Variants in ETV6 observed in about 807,000 individuals in gnomAD.
ETV6 encodes ETS variant transcription factor 6.
Under a neutral mutation model 51.1 loss-of-function variants are expected in ETV6, and 16 were observed. That is an observed-to-expected ratio of 0.31 (90% CI 0.21 to 0.48). The LOEUF (loss-of-function observed/expected upper bound fraction) is 0.48, where lower values mean the gene tolerates loss of function less well. Among genes scored for constraint, ETV6 ranks in the 20% least tolerant of loss-of-function variants. The pLI is 0.99. For synonymous variants in ETV6, 240 were observed against 224.1 expected, an observed-to-expected ratio of 1.07 and a Z score of -0.64; for missense variants, 458 against 594.8, an observed-to-expected ratio of 0.77 and a Z score of 2.39.
chr12:11,681,995 G>A (rs1392324551), intron 1 of ETV6, among the ~76,000 whole-genome samples: 2 of 152,172 alleles, frequency 1.3e-5, no homozygotes, highest in African/African-American at 4.8e-5. Context: ...TTGGTTCCAA[G>A]TCTTTGCTAT....
intron 1 of ETV6, among the ~76,000 whole-genome samples, chr12:11,675,091 A>G (rs1381219229): frequency 1.3e-5 from 2 of 152,220 alleles, no homozygotes; most frequent in African/African-American, 4.8e-5. Context: ...AGCTGTAGCC[A>G]TGGGGGTAAG....
intron 2 of ETV6, among the ~76,000 whole-genome samples, chr12:11,820,114 A>G (rs1197380242): frequency 1.3e-5 from 2 of 152,218 alleles, no homozygotes; most frequent in Non-Finnish European, 2.9e-5. Flanking sequence ...TCCTGTTACT[A>G]TCCGAGTTTT....
At chr12:11,709,900 C>A (rs1026236363) in intron 1 of ETV6, among the ~76,000 whole-genome samples, 1 of 152,132 alleles carries the variant, frequency 6.6e-6, no homozygotes, top group Admixed American at 6.5e-5. Flanking sequence ...TAAGCCAGTT[C>A]CTTAAAATAA....
At chr12:11,672,494 A>G (rs1408969026) in intron 1 of ETV6, among the ~76,000 whole-genome samples, 2 of 152,200 alleles carry the variant, frequency 1.3e-5, no homozygotes, top group Admixed American at 6.5e-5. Flanking sequence ...CTTCGTTAAC[A>G]CAACGACGTA....
chr12:11,783,605 G>C (rs1945441111), intron 2 of ETV6, among the ~76,000 whole-genome samples: 1 of 152,162 alleles, frequency 6.6e-6, no homozygotes, highest in Admixed American at 6.5e-5. Context: ...GAATCAGAGA[G>C]TTGAAAATAA....
chr12:11,849,633 A>G (rs1439614419), intron 3 of ETV6, among the ~76,000 whole-genome samples: 2 of 152,200 alleles, frequency 1.3e-5, no homozygotes, highest in South Asian at 2.1e-4. Flanking sequence ...CAGGGATTGC[A>G]GGGGAAGCCA....
chr12:11,710,032 A>G (rs1353186174), intron 1 of ETV6, among the ~76,000 whole-genome samples: 8 of 152,260 alleles, frequency 5.3e-5, no homozygotes, highest in African/African-American at 1.4e-4. Context: ...GTAGCACTGC[A>G]GAATTAATTT....
intron 2 of ETV6, among the ~76,000 whole-genome samples, chr12:11,760,013 G>C (rs2136335975): frequency 6.6e-6 from 1 of 152,290 alleles, no homozygotes; most frequent in South Asian, 2.1e-4. Context: ...AGATGTTGCT[G>C]CTTTTGCTGT....
At chr12:11,740,978 A>G (rs1256180077) in intron 1 of ETV6, among the ~76,000 whole-genome samples, 3 of 152,186 alleles carry the variant, frequency 2.0e-5, no homozygotes, top group African/African-American at 4.8e-5. Context: ...TTCTAGTGAC[A>G]TGACTCGTGG....
chr12:11,869,660 C>G lies in ETV6; in HGVS notation c.700C>G (p.Pro234Ala). Residue 234 changes from proline (P) to alanine (A), a missense_variant, in exon 5 of 8, where the codon CCT (proline) becomes GCT (alanine). Physicochemically the swap from Pro to Ala is conservative, Grantham distance 27 (BLOSUM62 -1). Transcript: ENST00000396373. The surrounding 1 kb of genome is among the most constrained non-coding windows in gnomAD (Gnocchi z 5.0). ...HQENNHQESY[P>A]LSVSPMENNH... ...GGAGAACAACCACCAGGAGTCCTAC[C>G]CTCTGTCAGTGTCTCCCATGGAGAA... 6.2e-7 allele frequency: 1 copy of G among 1,614,188 alleles called. No homozygotes were observed. The highest frequency in any genetic ancestry group is 8.5e-7 in the Non-Finnish European group (1 of 1,180,042).
chr12:11,767,464 G>A (rs60587284), intron 2 of ETV6, among the ~76,000 whole-genome samples: 17,493 of 151,990 alleles, frequency 0.12, 1,516 homozygotes, highest in East Asian at 0.36. Flanking sequence ...AGCATGGCTC[G>A]ACTCTGTGGG....
chr12:11,670,547 A>G (rs1407942326), intron 1 of ETV6, among the ~76,000 whole-genome samples: 1 of 152,222 alleles, frequency 6.6e-6, no homozygotes, highest in African/African-American at 2.4e-5. Flanking sequence ...CCTGTTTGTA[A>G]CACACCCTGT....
intron 5 of ETV6, among the ~76,000 whole-genome samples, chr12:11,883,497 G>A (rs777586431): frequency 1.4e-4 from 21 of 151,660 alleles, no homozygotes; most frequent in Admixed American, 5.3e-4. Context: ...GTTTCGCCAC[G>A]TTGGTCAGGC....
At chr12:11,871,922 T>C (rs1205444898) in intron 5 of ETV6, among the ~76,000 whole-genome samples, 2 of 152,120 alleles carry the variant, frequency 1.3e-5, no homozygotes, top group Non-Finnish European at 2.9e-5. Flanking sequence ...GGGCAAAACA[T>C]GTGAATTTCC....
chr12:11,792,557 C>T (rs1443591313), intron 2 of ETV6, among the ~76,000 whole-genome samples: 3 of 152,054 alleles, frequency 2.0e-5, no homozygotes, highest in Admixed American at 1.3e-4. Context: ...CGTGGTGGCG[C>T]ACGCCTGTAA....
At chr12:11,819,958 T>G (rs1399510457) in intron 2 of ETV6, among the ~76,000 whole-genome samples, 1 of 152,244 alleles carries the variant, frequency 6.6e-6, no homozygotes, top group Non-Finnish European at 1.5e-5. Context: ...GGATAAAGCC[T>G]GAACTCCTTA....
chr12:11,730,430 C>T (rs1865571555), intron 1 of ETV6, among the ~76,000 whole-genome samples: 1 of 152,204 alleles, frequency 6.6e-6, no homozygotes, highest in Non-Finnish European at 1.5e-5. Flanking sequence ...CTCAAGGAAG[C>T]CAATTGTAGT....
rs551592923 is a variant in ETV6, at chr12:11,753,722, G to A, written c.163+1143G>A. Among the ~76,000 whole-genome samples the A allele has an allele frequency of 1.8e-3, 268 of 152,340 alleles. 2 individuals are homozygous for A. Among genetic ancestry groups the A allele is most frequent in the African/African-American group, 6.4e-3 (264 of 41,574 alleles). ...TGACTGTGATATGGGGGCTCCTGGG[G>A]GAACACTGCCGCCGGCTTATGCCTT... is the stretch of plus-strand genomic sequence containing the variant. On this transcript the variant is annotated intron_variant, in intron 2 of 7. Transcript: ENST00000396373.
intron 1 of ETV6, among the ~76,000 whole-genome samples, chr12:11,738,307 C>CTTTTTTTT (rs59241338): frequency 3.5e-5 from 4 of 114,024 alleles, no homozygotes; most frequent in African/African-American, 1.6e-4. Flanking sequence ...TTTGTTTTTG[C>CTTTTTTTT]TTTTTTTTTT....
Sources: gnomAD v4.1 joint callset for allele counts (sites outside exome capture counted in the v4.1 genomes callset) on GRCh38, gnomAD v4.1.1 for gene constraint, Gnocchi (gnomAD v3.1) non-coding constraint, MANE v1.5 for transcripts, NCBI Gene and HGNC (gene_info 2026-07-23, HGNC 2026-07-21) for gene names.